KIRREL3: variants seen among roughly 807,000 people sequenced by gnomAD.
KIRREL3 encodes the protein kin of IRRE-like protein 3.
Under a neutral mutation model 89.7 loss-of-function variants are expected in KIRREL3, and 36 were observed. The observed-to-expected ratio is 0.40, with a 90% confidence interval of 0.31 to 0.53. The LOEUF (loss-of-function observed/expected upper bound fraction) is 0.53, where lower values mean the gene tolerates loss of function less well. KIRREL3 is among the 20% of genes least tolerant of loss of function. The pLI is 0.49. For missense variants in KIRREL3, 864 were observed against 1,056.6 expected, an observed-to-expected ratio of 0.82 and a Z score of 2.53; for synonymous variants, 445 against 441.4, an observed-to-expected ratio of 1.01 and a Z score of -0.10.
In KIRREL3 at chr11:126,923,135, T is replaced by TTC. The variant is rs1472166240; in HGVS notation, c.55+77318_55+77319dup. Among the ~76,000 whole-genome samples, 48 of 10,328 alleles carry TTC rather than the reference T, an allele frequency of 4.6e-3. 8 individuals carry two copies. The highest frequency in any genetic ancestry group is 0.011 in the Admixed American group (10 of 950). 6.8% of individuals were successfully genotyped at this position (10,328 alleles called of 152,430 possible). On this transcript the variant is annotated intron_variant, in intron 1 of 16. Transcript: ENST00000525144. ...CCTTCTCCTTCTCCTTCTTCTCTTC[T>TTC]TCTTCTTCTTCTTCTTCTTCTTCTT...
chr11:126,840,828 C>T (rs920807937), intron 1 of KIRREL3, among the ~76,000 whole-genome samples: 9 of 152,060 alleles, frequency 5.9e-5, no homozygotes, highest in African/African-American at 1.7e-4. Flanking sequence ...TTTTATTTTA[C>T]CTAATAATGG....
At chr11:126,938,552 C>T (rs147309834) in intron 1 of KIRREL3, among the ~76,000 whole-genome samples, 2 of 152,092 alleles carry the variant, frequency 1.3e-5, no homozygotes, top group African/African-American at 4.8e-5. Context: ...AACATACTTC[C>T]TAGGATTAGG....
intron 1 of KIRREL3, among the ~76,000 whole-genome samples, chr11:126,855,609 G>T (rs374382109): frequency 6.6e-6 from 1 of 152,308 alleles, no homozygotes; most frequent in East Asian, 1.9e-4. Context: ...TATCATATGT[G>T]TGAGACATTA....
At chr11:126,938,928 A>G (rs1948317669) in intron 1 of KIRREL3, among the ~76,000 whole-genome samples, 1 of 152,186 alleles carries the variant, frequency 6.6e-6, no homozygotes, top group Non-Finnish European at 1.5e-5. Flanking sequence ...GGAACCCAGA[A>G]CAAGTAGGAT....
At position 126,664,336 on chromosome 11, in the gene KIRREL3, A is replaced by G. The variant is rs1441618651; in HGVS notation, c.56-101424T>C. 6.6e-6 allele frequency among the ~76,000 whole-genome samples: 1 copy of G among 151,946 alleles called. No individual in the cohort carries two copies. The highest frequency in any genetic ancestry group is 1.5e-5 in the Non-Finnish European group (1 of 68,006). On this transcript the variant is annotated intron_variant, in intron 1 of 16. Transcript: ENST00000525144. The surrounding 1 kb of genome is among the most constrained non-coding windows in gnomAD (Gnocchi z 5.4). ...CTCACACAGAACCTATCCTTGTCCT[A>G]TGTGACAGGCAGGGCAAGAGTAAGA...
chr11:126,502,804 T>G (rs1000769927), intron 4 of KIRREL3, among the ~76,000 whole-genome samples: 2 of 152,220 alleles, frequency 1.3e-5, no homozygotes, highest in Non-Finnish European at 2.9e-5. Context: ...ATTTCATTGG[T>G]GTAGAAACTA....
intron 1 of KIRREL3, among the ~76,000 whole-genome samples, chr11:126,863,562 AGT>A (rs777621858): frequency 7.3e-4 from 62 of 84,774 alleles, no homozygotes; most frequent in Non-Finnish European, 5.3e-4. Context: ...TGCATGTGTG[AGT>A]GTGTTTGACT....
chr11:126,800,837 C>T lies in KIRREL3; in HGVS notation c.55+199618G>A, dbSNP rs529746158. Among the ~76,000 whole-genome samples, 7 of 152,232 alleles carry T rather than the reference C, an allele frequency of 4.6e-5. No homozygotes were observed. The South Asian group carries it at 1.0e-3, about 23-fold the overall frequency. On this transcript the variant is annotated intron_variant, in intron 1 of 16. Transcript: ENST00000525144. ...TAGAAGCCCAGGTATCACTTTTCAG[C>T]GGATTTAGCTGTGATGGGGGATAAT... is the stretch of plus-strand genomic sequence containing the variant.
At chr11:126,456,261 T>C in intron 7 of KIRREL3, 88 bp downstream of exon 7, 2 of 844,410 alleles carry the variant, frequency 2.4e-6, no homozygotes, top group Admixed American at 2.1e-5. Flanking sequence ...ACTGCAGCCA[T>C]GCTGAGGACC....
chr11:126,603,117 T>C (rs1164924319), intron 1 of KIRREL3, among the ~76,000 whole-genome samples: 1 of 152,214 alleles, frequency 6.6e-6, no homozygotes, highest in Non-Finnish European at 1.5e-5. Flanking sequence ...ATCCACTGTG[T>C]GTTCTGTGGA....
chr11:126,863,428 T>TGC lies in KIRREL3; in HGVS notation c.55+137026_55+137027insGC, dbSNP rs1565362883. Among the ~76,000 whole-genome samples the TGC allele has an allele frequency of 7.9e-5, 8 of 101,022 alleles. 1 individual carries two copies. Among genetic ancestry groups the TGC allele is most frequent in the Non-Finnish European group, 1.7e-4 (8 of 46,640 alleles). 66.3% of individuals were successfully genotyped at this position (101,022 alleles called of 152,430 possible). A position where few individuals can be genotyped will look rare whatever the true frequency, so the allele number is the denominator to read the frequency against. ...GTGAGTGCGTGTGTGAGCGCATGTG[T>TGC]GTGAGTGCGTGTGTGAGTGTGTGTG... On this transcript the variant is annotated intron_variant, in intron 1 of 16. Transcript: ENST00000525144.
In KIRREL3 at chr11:126,558,130, T is replaced by C. The variant is rs34404312; in HGVS notation, c.133+4705A>G. On this transcript the variant is annotated intron_variant, in intron 2 of 16. Coordinates refer to ENST00000525144, the MANE Select transcript of KIRREL3 (RefSeq NM_032531.4). The surrounding 1 kb of genome is among the most constrained non-coding windows in gnomAD (Gnocchi z 4.0). ...CCAGTGTGAGGGAGGAGTACCCTCC[T>C]GTGCAGGCCCCCCTCTGCCCCAAGG... Among the ~76,000 whole-genome samples, 25,359 of 152,186 alleles carry C rather than the reference T, an allele frequency of 0.17. 2,478 individuals are homozygous for C. Among genetic ancestry groups the C allele is most frequent in the Non-Finnish European group, 0.22 (14,717 of 67,984 alleles).
In KIRREL3 at chr11:126,684,484, T is replaced by A. The variant is rs758738122; in HGVS notation, c.56-121572A>T. ...CAAAGCCTCAGGGCTCTGAGGGTGT[T>A]AGGGAAACCACAGGTGTCCACAATG... On this transcript the variant is annotated intron_variant, in intron 1 of 16. Coordinates refer to ENST00000525144, the MANE Select transcript of KIRREL3 (RefSeq NM_032531.4). This position sits in a 1 kb window ranked among gnomAD's most constrained non-coding sequence, Gnocchi z 4.2. Among the ~76,000 whole-genome samples, 1 of 152,156 alleles carries A rather than the reference T, an allele frequency of 6.6e-6. No individual in the cohort carries two copies. The highest frequency in any genetic ancestry group is 1.5e-5 in the Non-Finnish European group (1 of 68,022).
At chr11:126,938,578 G>A (rs1433036312) in intron 1 of KIRREL3, among the ~76,000 whole-genome samples, 1 of 152,160 alleles carries the variant, frequency 6.6e-6, no homozygotes, top group African/African-American at 2.4e-5. Flanking sequence ...AGCTACTCTA[G>A]GTCTCCACTG....
chr11:126,703,350 T>C lies in KIRREL3; in HGVS notation c.56-140438A>G, dbSNP rs1219839975. On this transcript the variant is annotated intron_variant, in intron 1 of 16. Transcript: ENST00000525144. This position sits in a 1 kb window ranked among gnomAD's most constrained non-coding sequence, Gnocchi z 4.6. ...TGCAGCAGCTTTGCTCATGGGGCAC[T>C]GGTGAGCAGCAAACAGAATCATCGT... 1.3e-5 allele frequency among the ~76,000 whole-genome samples: 2 copies of C among 152,252 alleles called. No individual in the cohort carries two copies. The highest frequency in any genetic ancestry group is 4.8e-5 in the African/African-American group (2 of 41,472).
At position 126,628,783 on chromosome 11, in the gene KIRREL3, C is replaced by T. The variant is rs917650959; in HGVS notation, c.56-65871G>A. On this transcript the variant is annotated intron_variant, in intron 1 of 16. Transcript: ENST00000525144. This position sits in a 1 kb window ranked among gnomAD's most constrained non-coding sequence, Gnocchi z 5.2. ...CTGGAGCCCAGCCTGCTACCTGGAG[C>T]CAGGGCCTCGCCTCTACTGCCCCCT... 6.6e-6 allele frequency among the ~76,000 whole-genome samples: 1 copy of T among 152,178 alleles called. No individual in the cohort carries two copies. The highest frequency in any genetic ancestry group is 2.4e-5 in the African/African-American group (1 of 41,450).
At position 126,484,813 on chromosome 11, in the gene KIRREL3, A is replaced by ATT. The variant is rs200054144; in HGVS notation, c.434-11349_434-11348dup. Among the ~76,000 whole-genome samples the ATT allele has an allele frequency of 8.6e-5, 12 of 139,708 alleles. No homozygotes were observed. The highest frequency in any genetic ancestry group is 1.4e-4 in the Admixed American group (2 of 14,054). The allele number at this position is 139,708 out of a possible 152,430, so 91.7% of individuals were successfully genotyped here. A position where few individuals can be genotyped will look rare whatever the true frequency, so the allele number is the denominator to read the frequency against. ...AGATGTGGGGCAAGATGCAAATGGG[A>ATT]TTTTTTTTTTTTTTTTTCTGAGACG... On this transcript the variant is annotated intron_variant, in intron 4 of 16. Coordinates refer to ENST00000525144, the MANE Select transcript of KIRREL3 (RefSeq NM_032531.4). The surrounding 1 kb of genome is among the most constrained non-coding windows in gnomAD (Gnocchi z 5.2).
At chr11:126,801,418 A>G (rs981202494) in intron 1 of KIRREL3, among the ~76,000 whole-genome samples, 2 of 152,220 alleles carry the variant, frequency 1.3e-5, no homozygotes, top group Non-Finnish European at 2.9e-5. Flanking sequence ...GCCCCTGAAT[A>G]CAAATCTCAA....
intron 1 of KIRREL3, among the ~76,000 whole-genome samples, chr11:126,889,526 C>G (rs1478505290): frequency 6.6e-6 from 1 of 152,122 alleles, no homozygotes; most frequent in Non-Finnish European, 1.5e-5. Context: ...GAAAAAAAGT[C>G]AATTCCCTCT....
Sources: gnomAD v4.1 joint callset for allele counts (sites outside exome capture counted in the v4.1 genomes callset) on GRCh38, gnomAD v4.1.1 for gene constraint, Gnocchi (gnomAD v3.1) non-coding constraint, MANE v1.5 for transcripts, NCBI Gene and HGNC (gene_info 2026-07-23, HGNC 2026-07-21) for gene names.